Variants in USP12 observed in about 807,000 individuals in gnomAD.
The protein encoded by USP12 is ubiquitin carboxyl-terminal hydrolase 12.
USP12 carries 19 observed loss-of-function variants against 45.5 expected under a neutral mutation model. The ratio of observed to expected loss-of-function variants is 0.42; its 90% CI spans 0.29 to 0.61. The LOEUF (loss-of-function observed/expected upper bound fraction) is 0.61, where lower values mean the gene tolerates loss of function less well. Among genes scored for constraint, USP12 ranks in the 20% least tolerant of loss-of-function variants. USP12 has a pLI of 0.22. For missense variants in USP12, 242 were observed against 447.7 expected (o/e 0.54, Z 4.15); for synonymous variants, 149 against 148.8 (o/e 1.00, Z -0.01).
chr13:27,171,298 G>A (rs1477422937), intron 1 of USP12, among the ~76,000 whole-genome samples: 1 of 149,406 alleles, frequency 6.7e-6, no homozygotes, highest in Non-Finnish European at 1.5e-5. Context: ...GGGGACTCCC[G>A]GAGGCCGGTG....
chr13:27,170,432 C>T (rs1878537953), intron 1 of USP12: 3 of 397,882 alleles, frequency 7.5e-6, no homozygotes, highest in Non-Finnish European at 1.3e-5. Flanking sequence ...AGGCATGAAA[C>T]ACAAGATTTC....
At chr13:27,111,618 C>T (rs9553968) in intron 2 of USP12, among the ~76,000 whole-genome samples, 48,843 of 151,904 alleles carry the variant, frequency 0.32, 9,098 homozygotes, top group East Asian at 0.77. Context: ...AACATCCCAC[C>T]GCAAGTATTT....
chr13:27,096,783 A>G (rs1225915245), intron 3 of USP12, among the ~76,000 whole-genome samples: 2 of 152,200 alleles, frequency 1.3e-5, no homozygotes, highest in African/African-American at 4.8e-5. Flanking sequence ...ATGCATTGAG[A>G]AAAATTACCT....
chr13:27,163,787 A>AAG (rs1555240055), intron 1 of USP12, among the ~76,000 whole-genome samples: 44 of 132,748 alleles, frequency 3.3e-4, no homozygotes, highest in Admixed American at 1.3e-3. Context: ...AAAAAAAAAG[A>AAG]AAAAAAAAAA....
At chr13:27,085,029 T>C (rs1376432667) in intron 6 of USP12, among the ~76,000 whole-genome samples, 1 of 152,150 alleles carries the variant, frequency 6.6e-6, no homozygotes, top group Non-Finnish European at 1.5e-5. Context: ...ACAGGATGTG[T>C]TTCTATTTAT....
chr13:27,081,478 A>C lies in USP12; in HGVS notation c.735-6090T>G, dbSNP rs74388505. On this transcript the variant is annotated intron_variant, in intron 6 of 8. Coordinates refer to ENST00000282344, the MANE Select transcript of USP12 (RefSeq NM_182488.4). ...CTTGTTCTCTTGCTGTTTCCACCAC[A>C]TCTACAGTGACTTCCTCCACTGAAG... 7.2e-3 allele frequency among the ~76,000 whole-genome samples: 1,094 copies of C among 152,288 alleles called. 16 individuals are homozygous for C. Among genetic ancestry groups the C allele is most frequent in the African/African-American group, 0.025 (1,020 of 41,550 alleles).
intron 1 of USP12, among the ~76,000 whole-genome samples, chr13:27,128,158 C>T (rs114976750): frequency 1.3e-5 from 2 of 152,252 alleles, no homozygotes; most frequent in African/African-American, 4.8e-5. Flanking sequence ...AATATAAGAT[C>T]ACTGGATGCC....
At chr13:27,081,733 A>G (rs1873768851) in intron 6 of USP12, among the ~76,000 whole-genome samples, 2 of 152,242 alleles carry the variant, frequency 1.3e-5, no homozygotes, top group Admixed American at 6.5e-5. Context: ...TTGAAAGTCA[A>G]AATAACTCAT....
intron 7 of USP12, among the ~76,000 whole-genome samples, chr13:27,074,175 C>T (rs1028464306): frequency 2.0e-5 from 3 of 152,058 alleles, no homozygotes; most frequent in Non-Finnish European, 4.4e-5. Context: ...CCGAGGCGGG[C>T]AGATCACGAG....
At position 27,095,750 on chromosome 13, in the gene USP12, C is replaced by T. The variant is rs1275657295; in HGVS notation, c.424G>A (p.Glu142Lys). ...TTTTGTTTTTCCTGCTTTCTCTCTT[C>T]TTGTAAAATATCAGCAATTGTATTT... The part of the protein sequence containing the change: ...LLNTIADILQ[E>K]ERKQEKQNGR... The change falls in exon 4 of 9, where the codon GAA (glutamate) becomes AAA (lysine). Residue 142 changes from glutamate (E) to lysine (K), a missense_variant. Physicochemically the swap from Glu to Lys is moderately conservative, Grantham distance 56. Coordinates refer to ENST00000282344, the MANE Select transcript of USP12 (RefSeq NM_182488.4). The T allele has an allele frequency of 6.2e-7, 1 of 1,612,726 alleles. No homozygotes were observed. Among genetic ancestry groups the T allele is most frequent in the Non-Finnish European group, 8.5e-7 (1 of 1,179,500 alleles).
rs1423634897 is a variant in USP12, at chr13:27,170,982, C to T, written c.48+610G>A. Among the ~76,000 whole-genome samples the T allele has an allele frequency of 2.6e-5, 4 of 152,334 alleles. No homozygotes were observed. In the East Asian group the frequency reaches 7.7e-4, roughly 29 times the overall value. ...TTCCCCCAGCGCGGGGTCGGGGACTCGGCCCAGCCAGCGGCGCGAGGAAAT... is the reference window on the plus strand; with the variant it reads ...TTCCCCCAGCGCGGGGTCGGGGACTTGGCCCAGCCAGCGGCGCGAGGAAAT... On this transcript the variant is annotated intron_variant, in intron 1 of 8. Transcript: ENST00000282344.
Position 27,130,847 on chromosome 13 carries a change from C to T in USP12, c.49-14251G>A, listed in dbSNP as rs117905904. ...TCAAATCACAAGTCCAAAAAGATTA[C>T]ACAAGTATCACAAGTCCAAAAGATT... On this transcript the variant is annotated intron_variant, in intron 1 of 8. Coordinates refer to ENST00000282344, the MANE Select transcript of USP12 (RefSeq NM_182488.4). Among the ~76,000 whole-genome samples the T allele has an allele frequency of 1.1e-4, 17 of 152,320 alleles. No individual in the cohort carries two copies. The East Asian group carries it at 3.1e-3, about 28-fold the overall frequency.
chr13:27,116,082 G>A (rs1038474526), intron 2 of USP12, among the ~76,000 whole-genome samples: 3 of 152,144 alleles, frequency 2.0e-5, no homozygotes, highest in East Asian at 1.9e-4. Context: ...GGAGGCTGAG[G>A]TTGGCGGATC....
chr13:27,171,684 C>CG lies in USP12; in HGVS notation c.-46dup. Reference sequence around the variant, plus strand: ...ACCCAATCACAGCGGCGGCGGCGGGCGGGGGAGGAGGGGAGCCGGGCCGCC... The same window carrying CG: ...ACCCAATCACAGCGGCGGCGGCGGGCGGGGGGAGGAGGGGAGCCGGGCCGCC... On this transcript the variant is annotated 5_prime_UTR_variant, in exon 1 of 9. Coordinates refer to ENST00000282344, the MANE Select transcript of USP12 (RefSeq NM_182488.4). 1 of 1,125,872 alleles carries CG rather than the reference C, an allele frequency of 8.9e-7. No homozygotes were observed. Among genetic ancestry groups the CG allele is most frequent in the Non-Finnish European group, 1.1e-6 (1 of 875,964 alleles). The allele number at this position is 1,125,872 out of a possible 1,614,324, so 69.7% of individuals were successfully genotyped here.
chr13:27,105,337 C>A (rs766310899), intron 3 of USP12, among the ~76,000 whole-genome samples: 62 of 152,062 alleles, frequency 4.1e-4, no homozygotes, highest in Admixed American at 2.2e-3. Context: ...TGCTCTCTAT[C>A]TAAGGCTACT....
intron 1 of USP12, among the ~76,000 whole-genome samples, chr13:27,161,202 C>G (rs1456550775): frequency 6.6e-6 from 1 of 152,136 alleles, no homozygotes; most frequent in East Asian, 1.9e-4. Flanking sequence ...TTTGCAACAT[C>G]AGCAAAGAAA....
At chr13:27,165,188 C>T in intron 1 of USP12, among the ~76,000 whole-genome samples, 1 of 151,714 alleles carries the variant, frequency 6.6e-6, no homozygotes. Context: ...GAGAATGTCA[C>T]AAATTAGACC....
chr13:27,168,661 T>C (rs1033220727), intron 1 of USP12, among the ~76,000 whole-genome samples: 2 of 152,226 alleles, frequency 1.3e-5, no homozygotes, highest in Non-Finnish European at 2.9e-5. Flanking sequence ...AGAGGTACCC[T>C]TGAAAATGTA....
intron 6 of USP12, among the ~76,000 whole-genome samples, chr13:27,083,875 T>TA (rs1873879553): frequency 3.0e-5 from 4 of 132,786 alleles, no homozygotes; most frequent in African/African-American, 1.2e-4. Flanking sequence ...TATATATATA[T>TA]TTTTTTGAGA....
Sources: gnomAD v4.1 joint callset for allele counts (sites outside exome capture counted in the v4.1 genomes callset) on GRCh38, gnomAD v4.1.1 for gene constraint, MANE v1.5 for transcripts, NCBI Gene and HGNC (gene_info 2026-07-23, HGNC 2026-07-21) for gene names.